The following SPINK9 variants were observed in gnomAD, a reference collection of about 807,000 sequenced individuals.
SPINK9 encodes the protein serine protease inhibitor Kazal-type 9.
SPINK9 carries 3 observed loss-of-function variants against 10.8 expected under a neutral mutation model. That is an observed-to-expected ratio of 0.28 (90% CI 0.13 to 0.72). The LOEUF is 0.72. Among genes scored for constraint, SPINK9 ranks in the 30% least tolerant of loss-of-function variants. The pLI is 0.74. For missense variants in SPINK9, 101 were observed against 103.2 expected, an observed-to-expected ratio of 0.98 and a Z score of 0.09; for synonymous variants, 30 against 31.2, an observed-to-expected ratio of 0.96 and a Z score of 0.12.
At chr5:148,322,458 T>A (rs987739657) in intron 1 of SPINK9, among the ~76,000 whole-genome samples, 4 of 152,214 alleles carry the variant, frequency 2.6e-5, no homozygotes, top group African/African-American at 9.6e-5. Context: ...AGCCTCATTT[T>A]ATGGATGGAA....
At chr5:148,326,014 C>T (rs756028261) in intron 2 of SPINK9, among the ~76,000 whole-genome samples, 176 of 152,118 alleles carry the variant, frequency 1.2e-3, no homozygotes, top group Non-Finnish European at 1.6e-3. Context: ...AAAATCAATT[C>T]GCCATATATC....
intron 2 of SPINK9, among the ~76,000 whole-genome samples, chr5:148,337,467 G>A (rs931724670): frequency 1.3e-5 from 2 of 152,120 alleles, no homozygotes; most frequent in African/African-American, 2.4e-5. Flanking sequence ...TCAACTTTAA[G>A]TTTGAGTATA....
Position 148,335,636 on chromosome 5 carries a change from TACTCTTG to T in SPINK9, c.24_30del (p.Leu10Ter), listed in dbSNP as rs768980425. 3 of 1,613,754 alleles carry T rather than the reference TACTCTTG, an allele frequency of 1.9e-6. No homozygotes were observed. Among genetic ancestry groups the T allele is most frequent in the Non-Finnish European group, 2.5e-6 (3 of 1,179,848 alleles). On this transcript the variant is annotated frameshift_variant, in exon 1 of 4. Transcript: ENST00000377906. LOFTEE classifies it high-confidence loss of function. ...ACTATGAGAGCAACAGCCATAGTCC[TACTCTTG>T]GCTCTGACACTTGCAACCATGTTCA...
At chr5:148,321,400 G>T (rs1756998016) in exon 1 of SPINK9, 1 of 152,056 alleles carries the variant, frequency 6.6e-6, no homozygotes, top group Non-Finnish European at 1.5e-5. Flanking sequence ...TGGAAGAAAG[G>T]GTATCAGTGA....
chr5:148,328,916 T>C (rs543861358), intron 2 of SPINK9, among the ~76,000 whole-genome samples: 1 of 152,238 alleles, frequency 6.6e-6, no homozygotes. Flanking sequence ...AGTATTTTAT[T>C]GAGGATTTTT....
upstream of SPINK9, among the ~76,000 whole-genome samples, chr5:148,333,783 C>T (rs1757180503): frequency 6.6e-6 from 1 of 152,104 alleles, no homozygotes; most frequent in African/African-American, 2.4e-5. Context: ...CTCTTATGAC[C>T]TTGAAAAACT....
rs779920006 is a variant in SPINK9, at chr5:148,338,485, G to A, written c.95G>A (p.Cys32Tyr). ...TTTAATATGTTTTTTCAGGTTGACT[G>A]CAGTCATTATAAAAAGTTACCACCA... ...CAKQTKQMVDCSHYKKLPPGQ... is the reference protein window; with the variant it reads ...CAKQTKQMVDYSHYKKLPPGQ... Residue 32 changes from cysteine to tyrosine, a missense_variant, in exon 3 of 4, where the codon TGC (cysteine) becomes TAC (tyrosine). Cys to Tyr is a radical substitution (Grantham distance 194, BLOSUM62 -2). Coordinates refer to ENST00000377906, the MANE Select transcript of SPINK9 (RefSeq NM_001040433.2). 6.2e-7 allele frequency: 1 copy of A among 1,600,630 alleles called. No homozygotes were observed. The highest frequency in any genetic ancestry group is 2.2e-5 in the East Asian group (1 of 44,580).
At chr5:148,327,072 C>A (rs986791171) in intron 2 of SPINK9, among the ~76,000 whole-genome samples, 1 of 152,112 alleles carries the variant, frequency 6.6e-6, no homozygotes, top group Non-Finnish European at 1.5e-5. Flanking sequence ...AGTTCTAGAT[C>A]CCCGAGGAAT....
At chr5:148,334,920 C>G (rs1245031558), upstream of SPINK9, among the ~76,000 whole-genome samples, 1 of 152,180 alleles carries the variant, frequency 6.6e-6, no homozygotes, top group Non-Finnish European at 1.5e-5. Flanking sequence ...GTGTAGCTGG[C>G]AATTAGTTCA....
chr5:148,338,679 T>C (rs1468561147), intron 3 of SPINK9, 74 bp downstream of exon 3: 3 of 1,175,470 alleles, frequency 2.6e-6, no homozygotes, highest in Non-Finnish European at 3.6e-6. Flanking sequence ...AGGTGTGATG[T>C]AGGGCCTAAG....
At chr5:148,324,367 T>A (rs1318458932) in intron 2 of SPINK9, among the ~76,000 whole-genome samples, 1 of 152,110 alleles carries the variant, frequency 6.6e-6, no homozygotes, top group East Asian at 1.9e-4. Flanking sequence ...AATCTCGTCA[T>A]AAAGTTTATT....
In SPINK9 at chr5:148,338,493, T is replaced by A; in HGVS notation, c.103T>A (p.Tyr35Asn). 6.2e-7 allele frequency: 1 copy of A among 1,603,286 alleles called. No homozygotes were observed. The highest frequency in any genetic ancestry group is 8.5e-7 in the Non-Finnish European group (1 of 1,176,396). The change falls in exon 3 of 4, where the codon TAT (tyrosine) becomes AAT (asparagine). Residue 35 changes from tyrosine (Y) to asparagine (N), a missense_variant. Transcript: ENST00000377906. ...GTTTTTTCAGGTTGACTGCAGTCAT[T>A]ATAAAAAGTTACCACCAGGACAACA... ...QTKQMVDCSHYKKLPPGQQRF... is the reference protein window; with the variant it reads ...QTKQMVDCSHNKKLPPGQQRF...
chr5:148,330,101 G>T (rs1025513184), intron 2 of SPINK9, among the ~76,000 whole-genome samples: 3 of 152,128 alleles, frequency 2.0e-5, no homozygotes, highest in Admixed American at 2.0e-4. Context: ...TGTTGACAGT[G>T]GGGTGTTAAA....
At chr5:148,325,648 C>T (rs1179876731) in intron 2 of SPINK9, among the ~76,000 whole-genome samples, 3 of 151,888 alleles carry the variant, frequency 2.0e-5, no homozygotes, top group Non-Finnish European at 4.4e-5. Flanking sequence ...TTCTAGATAC[C>T]AGTGTCTCAT....
intron 2 of SPINK9, among the ~76,000 whole-genome samples, chr5:148,336,930 TGTG>T (rs1277439448): frequency 6.6e-6 from 1 of 152,154 alleles, no homozygotes; most frequent in African/African-American, 2.4e-5. Flanking sequence ...AAAATCTAGG[TGTG>T]GTAGCAAAAA....
exon 2 of SPINK9, chr5:148,323,839 T>G (rs1295992987): frequency 1.4e-6 from 1 of 701,540 alleles, no homozygotes; most frequent in Non-Finnish European, 2.6e-6. Flanking sequence ...AGGAGACTCA[T>G]GGGCTTAACG....
In SPINK9 at chr5:148,336,425, T is replaced by C; in HGVS notation, c.59T>C (p.Ile20Thr). Reference sequence around the variant, plus strand: ...CTTGTCTTTGTTTTTCTTCCAGGTATAGAATGTGCCAAACAGACGAAACAG... The same window carrying C: ...CTTGTCTTTGTTTTTCTTCCAGGTACAGAATGTGCCAAACAGACGAAACAG... Reference protein sequence around the residue: ...LALTLATMFSIECAKQTKQMV... With the variant: ...LALTLATMFSTECAKQTKQMV... The change falls in exon 2 of 4, where the codon ATA (isoleucine) becomes ACA (threonine). Residue 20 changes from isoleucine (I) to threonine (T), a missense_variant. Transcript: ENST00000377906. 1 of 1,613,582 alleles carries C rather than the reference T, an allele frequency of 6.2e-7. No homozygotes were observed. The highest frequency in any genetic ancestry group is 2.2e-5 in the East Asian group (1 of 44,818).
At chr5:148,325,070 A>C (rs1757042238) in intron 2 of SPINK9, among the ~76,000 whole-genome samples, 1 of 152,050 alleles carries the variant, frequency 6.6e-6, no homozygotes, top group Non-Finnish European at 1.5e-5. Context: ...ACTTAGCATT[A>C]AGTTTTCAAG....
At chr5:148,328,052 G>T (rs1010847097) in intron 2 of SPINK9, among the ~76,000 whole-genome samples, 4 of 151,976 alleles carry the variant, frequency 2.6e-5, no homozygotes, top group Non-Finnish European at 5.9e-5. Flanking sequence ...GAAAGTCATT[G>T]GTAGCTTGAT....
Sources: allele counts gnomAD v4.1 joint callset (sites outside exome capture counted in the v4.1 genomes callset), GRCh38; gene constraint gnomAD v4.1.1; transcripts MANE v1.5; gene names NCBI Gene and HGNC (gene_info 2026-07-23, HGNC 2026-07-21).